Variants in NRXN3 observed in about 807,000 individuals in gnomAD.
NRXN3 encodes neurexin III.
NRXN3 carries 32 observed loss-of-function variants against 137.6 expected under a neutral mutation model. That is an observed-to-expected ratio of 0.23 (90% CI 0.18 to 0.31). The LOEUF (loss-of-function observed/expected upper bound fraction) is 0.31, where lower values mean the gene tolerates loss of function less well. NRXN3 is among the 10% of genes least tolerant of loss of function. NRXN3 has a pLI of 1.00. For synonymous variants in NRXN3, 798 were observed against 784.5 expected (o/e 1.02, Z -0.29); for missense variants, 1,574 against 2,062.5 (o/e 0.76, Z 4.59).
chr14:79,730,484 A>AT (rs1191656241), intron 19 of NRXN3, among the ~76,000 whole-genome samples: 2 of 152,224 alleles, frequency 1.3e-5, no homozygotes, highest in Non-Finnish European at 2.9e-5. Context: ...CACTATGGTG[A>AT]TTTAACTAAA....
At chr14:79,413,883 CAA>C (rs372803175) in intron 15 of NRXN3, among the ~76,000 whole-genome samples, 5 of 76,320 alleles carry the variant, frequency 6.6e-5, no homozygotes, top group Admixed American at 5.5e-4. Context: ...ATGTGGTTCT[CAA>C]AAAAAAAAAA....
At chr14:78,829,946 A>G (rs1360636040) in intron 10 of NRXN3, among the ~76,000 whole-genome samples, 1 of 152,180 alleles carries the variant, frequency 6.6e-6, no homozygotes, top group Non-Finnish European at 1.5e-5. Flanking sequence ...AATGTTTCAC[A>G]TGAATGCAAC....
At chr14:78,334,653 T>TA (rs2081245511) in intron 4 of NRXN3, among the ~76,000 whole-genome samples, 1 of 152,170 alleles carries the variant, frequency 6.6e-6, no homozygotes, top group East Asian at 1.9e-4. Context: ...AATGTGTATT[T>TA]AAAAACTTCT....
At chr14:78,975,861 G>A (rs997125685) in intron 14 of NRXN3, among the ~76,000 whole-genome samples, 1 of 152,186 alleles carries the variant, frequency 6.6e-6, no homozygotes, top group African/African-American at 2.4e-5. Context: ...TATCAAGAAA[G>A]AAGTTTACCG....
Position 79,131,282 on chromosome 14 carries a change from C to T in NRXN3, c.3262+143141C>T, listed in dbSNP as rs568799415. 1.9e-3 allele frequency among the ~76,000 whole-genome samples: 286 copies of T among 152,162 alleles called. 1 individual carries two copies. Among genetic ancestry groups the T allele is most frequent in the African/African-American group, 5.8e-3 (241 of 41,506 alleles). On this transcript the variant is annotated intron_variant, in intron 15 of 20. Transcript: ENST00000335750. ...CTTTTTAGAGTTTCCAGTTTTTCTG[C>T]TCTGTTTTTTCCCCATCTTTGTGGT...
At chr14:78,904,509 T>C (rs748652060) in intron 10 of NRXN3, among the ~76,000 whole-genome samples, 37 of 152,256 alleles carry the variant, frequency 2.4e-4, no homozygotes, top group Non-Finnish European at 4.7e-4. Context: ...TGTCATTTAT[T>C]TTCATGGCTT....
At chr14:79,229,339 C>T (rs1231015617) in intron 15 of NRXN3, among the ~76,000 whole-genome samples, 1 of 152,078 alleles carries the variant, frequency 6.6e-6, no homozygotes, top group African/African-American at 2.4e-5. Context: ...TGTTTTTAGG[C>T]TTAGTTTAGT....
At chr14:78,753,055 C>T (rs1166185689) in intron 8 of NRXN3, among the ~76,000 whole-genome samples, 2 of 152,120 alleles carry the variant, frequency 1.3e-5, no homozygotes, top group East Asian at 3.9e-4. Flanking sequence ...TACAGTGACC[C>T]CAGATGTCAA....
intron 15 of NRXN3, among the ~76,000 whole-genome samples, chr14:79,112,101 T>TA (rs1210649662): frequency 6.6e-6 from 1 of 152,198 alleles, no homozygotes; most frequent in Non-Finnish European, 1.5e-5. Flanking sequence ...ATTTTATTTT[T>TA]AAAAAATATG....
intron 1 of NRXN3, among the ~76,000 whole-genome samples, chr14:78,223,450 C>T (rs1023461191): frequency 1.6e-4 from 24 of 152,174 alleles, no homozygotes; most frequent in African/African-American, 5.8e-4. Context: ...GGTCATTCCC[C>T]TCCCACCCTC....
intron 6 of NRXN3, among the ~76,000 whole-genome samples, chr14:78,673,400 T>C (rs972518076): frequency 4.6e-5 from 7 of 152,216 alleles, no homozygotes; most frequent in Admixed American, 1.3e-4. Flanking sequence ...CAAGCCACTA[T>C]TGATGCCAGC....
intron 15 of NRXN3, among the ~76,000 whole-genome samples, chr14:79,402,393 G>A (rs1241414347): frequency 6.6e-6 from 1 of 152,178 alleles, no homozygotes; most frequent in East Asian, 1.9e-4. Context: ...TAACTCCTGA[G>A]AGGTAAGCAA....
At chr14:79,550,029 G>A (rs1392794643) in intron 16 of NRXN3, among the ~76,000 whole-genome samples, 2 of 151,982 alleles carry the variant, frequency 1.3e-5, no homozygotes, top group Admixed American at 6.6e-5. Flanking sequence ...GAGTGCAGTG[G>A]CATGATCTCG....
chr14:79,376,893 A>T (rs1457542213), intron 15 of NRXN3, among the ~76,000 whole-genome samples: 1 of 152,188 alleles, frequency 6.6e-6, no homozygotes, highest in African/African-American at 2.4e-5. Flanking sequence ...TATTAATCTA[A>T]CATGTTGCTT....
At chr14:79,498,060 A>C (rs561093696) in intron 16 of NRXN3, among the ~76,000 whole-genome samples, 44 of 152,202 alleles carry the variant, frequency 2.9e-4, no homozygotes, top group Admixed American at 3.9e-4. Context: ...AACAAACAAA[A>C]AAAACCAGGA....
intron 15 of NRXN3, among the ~76,000 whole-genome samples, chr14:79,116,464 C>T (rs1014240873): frequency 1.3e-5 from 2 of 152,238 alleles, no homozygotes; most frequent in African/African-American, 4.8e-5. Flanking sequence ...GCATACACCA[C>T]AGTCATAAAG....
intron 16 of NRXN3, among the ~76,000 whole-genome samples, chr14:79,548,221 A>T (rs889543908): frequency 6.6e-6 from 1 of 151,952 alleles, no homozygotes; most frequent in African/African-American, 2.4e-5. Flanking sequence ...TCAGTGTGTG[A>T]TGTTCCCCTC....
At chr14:79,843,570 C>G (rs1196422847) in intron 20 of NRXN3, among the ~76,000 whole-genome samples, 1 of 152,154 alleles carries the variant, frequency 6.6e-6, no homozygotes, top group East Asian at 1.9e-4. Context: ...AATCAGAGTA[C>G]AACCTCTTTC....
chr14:78,373,352 T>C (rs1196245974), intron 4 of NRXN3, among the ~76,000 whole-genome samples: 3 of 152,208 alleles, frequency 2.0e-5, no homozygotes, highest in Non-Finnish European at 4.4e-5. Flanking sequence ...ACAAACACTA[T>C]AGCAGTAGCC....
Sources: gnomAD v4.1 joint callset for allele counts (sites outside exome capture counted in the v4.1 genomes callset) on GRCh38, gnomAD v4.1.1 for gene constraint, MANE v1.5 for transcripts, NCBI Gene and HGNC (gene_info 2026-07-23, HGNC 2026-07-21) for gene names.